The following ZNF236 variants were observed in gnomAD, a reference collection of about 807,000 sequenced individuals.
The protein encoded by ZNF236 is zinc finger protein 236, also known as regulated by glucose.
A neutral mutation model predicts 191.2 loss-of-function variants in ZNF236; 50 were observed. The observed-to-expected ratio is 0.26, with a 90% CI of 0.21 to 0.33. The LOEUF (loss-of-function observed/expected upper bound fraction) is 0.33. Ranked by LOEUF, ZNF236 falls within the 10% of genes least tolerant of loss-of-function variation. ZNF236 has a pLI of 1.00. For missense variants in ZNF236, 1,754 were observed against 2,374.5 expected (o/e 0.74, Z 5.43); for synonymous variants, 907 against 928.8 (o/e 0.98, Z 0.43).
At chr18:76,884,499 A>G (rs1976993191) in intron 9 of ZNF236, among the ~76,000 whole-genome samples, 1 of 152,158 alleles carries the variant, frequency 6.6e-6, no homozygotes, top group African/African-American at 2.4e-5. Context: ...TCCTTTAAGG[A>G]TGAAAATGGT....
rs1976875657 is a variant in ZNF236, at chr18:76,880,944, TGTAAC to T, written c.1189-339_1189-335del. On this transcript the variant is annotated intron_variant, in intron 8 of 30. Coordinates refer to ENST00000320610, the MANE Select transcript of ZNF236 (RefSeq NM_001306089.2). This position sits in a 1 kb window ranked among gnomAD's most constrained non-coding sequence, Gnocchi z 5.0. ...GCCGATACCTGAAAGTTAAACCCAG[TGTAAC>T]TCAAAAGCCTTAAAATAGGGATTCC... is the stretch of plus-strand genomic sequence containing the variant. 6.6e-6 allele frequency among the ~76,000 whole-genome samples: 1 copy of T among 152,190 alleles called. No individual in the cohort carries two copies. Among genetic ancestry groups the T allele is most frequent in the African/African-American group, 2.4e-5 (1 of 41,446 alleles).
chr18:76,857,145 A>C (rs1463745984), intron 3 of ZNF236, among the ~76,000 whole-genome samples: 1 of 149,360 alleles, frequency 6.7e-6, no homozygotes, highest in South Asian at 2.1e-4. Context: ...CCGCCTCCCC[A>C]TAATTCCTAT....
chr18:76,920,124 T>C (rs2122804716), intron 20 of ZNF236, 66 bp downstream of exon 20: 1 of 1,528,450 alleles, frequency 6.5e-7, no homozygotes, highest in Non-Finnish European at 8.8e-7. Flanking sequence ...GCTGCTCCTT[T>C]GGTGATTTTC....
At chr18:76,897,532 G>C (rs190944119) in intron 10 of ZNF236, among the ~76,000 whole-genome samples, 1 of 151,168 alleles carries the variant, frequency 6.6e-6, no homozygotes, top group African/African-American at 2.4e-5. Flanking sequence ...ACCAAACACA[G>C]TGCTGCACAC....
Position 76,880,076 on chromosome 18 carries a change from A to G in ZNF236, c.985-37A>G. The stretch of plus-strand genomic sequence containing the variant: ...ATTTTCCTTTTTAAATTGAAGAGCA[A>G]AATTGTATTTTTAATGAAAATGTTT... On this transcript the variant is annotated intron_variant, in intron 7 of 30. Coordinates refer to ENST00000320610, the MANE Select transcript of ZNF236 (RefSeq NM_001306089.2). This position sits in a 1 kb window ranked among gnomAD's most constrained non-coding sequence, Gnocchi z 5.0. The G allele has an allele frequency of 6.4e-7, 1 of 1,565,824 alleles. No homozygotes were observed. The highest frequency in any genetic ancestry group is 2.3e-5 in the East Asian group (1 of 44,204).
Position 76,972,392 on chromosome 18 carries a change from C to T in ZNF236, c.*4053C>T, listed in dbSNP as rs1968919273. 6.6e-6 allele frequency among the ~76,000 whole-genome samples: 1 copy of T among 152,130 alleles called. No individual in the cohort carries two copies. Among genetic ancestry groups the T allele is most frequent in the Admixed American group, 6.5e-5 (1 of 15,270 alleles). Reference sequence around the variant, plus strand: ...TCCGAACGGATTCCCCTCCTCAGACCCCCATGCACGGATGAGCACATAGCT... The same window carrying T: ...TCCGAACGGATTCCCCTCCTCAGACTCCCATGCACGGATGAGCACATAGCT... On this transcript the variant is annotated 3_prime_UTR_variant, in exon 31 of 31. Transcript: ENST00000320610.
chr18:76,914,493 C>A (rs952725841), intron 18 of ZNF236, among the ~76,000 whole-genome samples: 6 of 152,114 alleles, frequency 3.9e-5, no homozygotes, highest in African/African-American at 1.4e-4. Context: ...TTGTGGCTGT[C>A]GGATTTGACA....
chr18:76,959,531 C>T lies in ZNF236; in HGVS notation c.5113-156C>T, dbSNP rs898209316. 5.9e-5 allele frequency among the ~76,000 whole-genome samples: 9 copies of T among 152,186 alleles called. 1 individual carries two copies. Among genetic ancestry groups the T allele is most frequent in the Non-Finnish European group, 1.5e-5 (1 of 68,032 alleles). On this transcript the variant is annotated intron_variant, in intron 28 of 30. Coordinates refer to ENST00000320610, the MANE Select transcript of ZNF236 (RefSeq NM_001306089.2). ...CAGTGTTGTCACTCTGTTGTCACTA[C>T]CGATGCATTGAAGTCCTTAAGAACA...
chr18:76,946,471 C>T (rs1443243419), intron 26 of ZNF236, among the ~76,000 whole-genome samples: 1 of 152,194 alleles, frequency 6.6e-6, no homozygotes, highest in Non-Finnish European at 1.5e-5. Flanking sequence ...TTTGGGGGCT[C>T]AGCTTGTGTA....
chr18:76,953,343 T>A (rs1320060403), intron 27 of ZNF236, among the ~76,000 whole-genome samples: 1 of 152,200 alleles, frequency 6.6e-6, no homozygotes, highest in African/African-American at 2.4e-5. Flanking sequence ...AAACTGGTTT[T>A]GCAGGAGAAA....
In ZNF236 at chr18:76,925,117, C is replaced by G; in HGVS notation, c.3662-72C>G. On this transcript the variant is annotated intron_variant, in intron 21 of 30. Coordinates refer to ENST00000320610, the MANE Select transcript of ZNF236 (RefSeq NM_001306089.2). The surrounding 1 kb of genome is among the most constrained non-coding windows in gnomAD (Gnocchi z 5.7). Reference sequence around the variant, plus strand: ...TTCAACATATTTACATCCATAGTGACAGCTGAGTGGGGTGGGGGTGAGTGT... The same window carrying G: ...TTCAACATATTTACATCCATAGTGAGAGCTGAGTGGGGTGGGGGTGAGTGT... The G allele has an allele frequency of 6.4e-7, 1 of 1,555,448 alleles. No individual in the cohort carries two copies. Among genetic ancestry groups the G allele is most frequent in the South Asian group, 1.2e-5 (1 of 81,322 alleles).
chr18:76,944,382 C>A (rs1047689330), intron 26 of ZNF236, among the ~76,000 whole-genome samples: 1 of 152,028 alleles, frequency 6.6e-6, no homozygotes, highest in African/African-American at 2.4e-5. Flanking sequence ...AAGTAAATAA[C>A]CTTTAGATTA....
Position 76,880,448 on chromosome 18 carries a change from A to G in ZNF236, c.1188+132A>G. On this transcript the variant is annotated intron_variant, in intron 8 of 30. Transcript: ENST00000320610. The surrounding 1 kb of genome is among the most constrained non-coding windows in gnomAD (Gnocchi z 5.0). Reference sequence around the variant, plus strand: ...CCTCATGAAAAATGTGCCTGAACCGAAAGAAATTAATATGCCTACTTAATT... The same window carrying G: ...CCTCATGAAAAATGTGCCTGAACCGGAAGAAATTAATATGCCTACTTAATT... The G allele has an allele frequency of 2.2e-6, 2 of 914,088 alleles. No individual in the cohort carries two copies. The highest frequency in any genetic ancestry group is 3.2e-6 in the Non-Finnish European group (2 of 629,190). 56.6% of individuals were successfully genotyped at this position (914,088 alleles called of 1,614,324 possible).
rs369081978 is a variant in ZNF236, at chr18:76,875,672, C to T, written c.840+8C>T. The T allele has an allele frequency of 8.4e-6, 13 of 1,552,396 alleles. No homozygotes were observed. The highest frequency in any genetic ancestry group is 4.1e-5 in the African/African-American group (3 of 73,254). On this transcript the variant is annotated splice_region_variant and intron_variant, in intron 6 of 30. Coordinates refer to ENST00000320610, the MANE Select transcript of ZNF236 (RefSeq NM_001306089.2). This position sits in a 1 kb window ranked among gnomAD's most constrained non-coding sequence, Gnocchi z 4.3. ...CAGCGAGTCCACTCAGAGGTAAACA[C>T]GGGTTGGGGGCATAAGCGGTATTTC... is the stretch of plus-strand genomic sequence containing the variant.
At chr18:76,931,495 G>A (rs957180526) in intron 25 of ZNF236, among the ~76,000 whole-genome samples, 2 of 151,894 alleles carry the variant, frequency 1.3e-5, no homozygotes, top group Non-Finnish European at 2.9e-5. Context: ...ACAAAGCATC[G>A]TATATTTATA....
chr18:76,968,600 C>T lies in ZNF236; in HGVS notation c.*261C>T. The T allele has an allele frequency of 4.1e-6, 5 of 1,230,554 alleles. No homozygotes were observed. The highest frequency in any genetic ancestry group is 4.1e-6 in the Non-Finnish European group (4 of 986,004). 76.2% of individuals were successfully genotyped at this position (1,230,554 alleles called of 1,614,324 possible). ...TAGGCAGTTTCCTCCTCAGTCTCCT[C>T]CGTGGCTAGTGTGTCTAGTTCACGA... On this transcript the variant is annotated 3_prime_UTR_variant, in exon 31 of 31. Transcript: ENST00000320610.
chr18:76,869,849 G>A (rs1000159020), intron 4 of ZNF236, among the ~76,000 whole-genome samples: 4 of 152,134 alleles, frequency 2.6e-5, no homozygotes, highest in Non-Finnish European at 5.9e-5. Flanking sequence ...CCAGGTACTC[G>A]GGAGGCTGAG....
chr18:76,968,592 A>C lies in ZNF236; in HGVS notation c.*253A>C, dbSNP rs1968841607. On this transcript the variant is annotated 3_prime_UTR_variant, in exon 31 of 31. Coordinates refer to ENST00000320610, the MANE Select transcript of ZNF236 (RefSeq NM_001306089.2). ...TACTACTGTAGGCAGTTTCCTCCTC[A>C]GTCTCCTCCGTGGCTAGTGTGTCTA... 5 of 1,245,948 alleles carry C rather than the reference A, an allele frequency of 4.0e-6. No homozygotes were observed. In the Admixed American group the frequency reaches 2.2e-4, roughly 54 times the overall value. 77.2% of individuals were successfully genotyped at this position (1,245,948 alleles called of 1,614,324 possible). A position where few individuals can be genotyped will look rare whatever the true frequency, so the allele number is the denominator to read the frequency against.
intron 25 of ZNF236, among the ~76,000 whole-genome samples, chr18:76,932,673 C>T (rs1390167488): frequency 6.6e-6 from 1 of 152,182 alleles, no homozygotes; most frequent in East Asian, 1.9e-4. Context: ...AGCAGTGCAG[C>T]CTCATGTCTT....
Sources: allele counts gnomAD v4.1 joint callset (sites outside exome capture counted in the v4.1 genomes callset), GRCh38; gene constraint gnomAD v4.1.1; non-coding constraint Gnocchi (gnomAD v3.1); transcripts MANE v1.5; gene names NCBI Gene and HGNC (gene_info 2026-07-23, HGNC 2026-07-21).